Variants in VAT1L observed in about 807,000 individuals in gnomAD.
VAT1L encodes the protein putative NADPH-dependent quinone oxidoreductase VAT1L.
A neutral mutation model predicts 44.1 loss-of-function variants in VAT1L; 34 were observed. The observed-to-expected ratio is 0.77, with a 90% CI of 0.59 to 1.03. The LOEUF is 1.03. Among genes scored for constraint, VAT1L ranks in the 50% least tolerant of loss-of-function variants. VAT1L has a pLI of 0.00. For synonymous variants in VAT1L, 253 were observed against 202.2 expected, an observed-to-expected ratio of 1.25 and a Z score of -2.13; for missense variants, 615 against 538.8, an observed-to-expected ratio of 1.14 and a Z score of -1.40.
chr16:77,901,186 G>C (rs1221302927), intron 7 of VAT1L, among the ~76,000 whole-genome samples: 1 of 85,218 alleles, frequency 1.2e-5, no homozygotes, highest in African/African-American at 6.1e-5. Flanking sequence ...TTTTTTTTAA[G>C]ACAGTCTTGC....
chr16:77,895,494 T>A (rs1371654307), intron 7 of VAT1L, among the ~76,000 whole-genome samples: 7 of 151,928 alleles, frequency 4.6e-5, no homozygotes, highest in Non-Finnish European at 1.0e-4. Flanking sequence ...GCAGGAGGGT[T>A]GGAGTCAGAG....
intron 7 of VAT1L, among the ~76,000 whole-genome samples, chr16:77,894,060 A>G (rs1162545799): frequency 6.6e-6 from 1 of 152,190 alleles, no homozygotes; most frequent in Non-Finnish European, 1.5e-5. Flanking sequence ...CGGCCAATGC[A>G]TGGCAAAACC....
At chr16:77,920,648 C>T (rs1241720618) in intron 7 of VAT1L, among the ~76,000 whole-genome samples, 1 of 152,048 alleles carries the variant, frequency 6.6e-6, no homozygotes, top group Non-Finnish European at 1.5e-5. Flanking sequence ...GACAGTGATC[C>T]CATAAAATTC....
At chr16:77,821,697 A>T (rs2966046) in intron 2 of VAT1L, among the ~76,000 whole-genome samples, 128,755 of 152,164 alleles carry the variant, frequency 0.85, 54,585 homozygotes, top group South Asian at 0.91. Flanking sequence ...TAATAAAAGC[A>T]ACCATAAGGA....
At chr16:77,820,139 T>G (rs2016426158) in intron 2 of VAT1L, among the ~76,000 whole-genome samples, 1 of 152,200 alleles carries the variant, frequency 6.6e-6, no homozygotes, top group Admixed American at 6.5e-5. Flanking sequence ...ATTATTTGTA[T>G]CTGGAATCAG....
chr16:77,966,028 A>C (rs1215749072), intron 7 of VAT1L, among the ~76,000 whole-genome samples: 2 of 152,212 alleles, frequency 1.3e-5, no homozygotes, highest in African/African-American at 4.8e-5. Flanking sequence ...CCTAGATTCC[A>C]AACAGTCCCC....
At chr16:77,887,132 G>A (rs1336680257) in intron 7 of VAT1L, among the ~76,000 whole-genome samples, 1 of 152,118 alleles carries the variant, frequency 6.6e-6, no homozygotes, top group South Asian at 2.1e-4. Flanking sequence ...TAAAGGGAGA[G>A]AATTCAACAC....
intron 7 of VAT1L, among the ~76,000 whole-genome samples, chr16:77,957,598 G>T (rs1041427098): frequency 7.9e-5 from 12 of 151,848 alleles, no homozygotes; most frequent in African/African-American, 2.9e-4. Context: ...GGTGGCACGT[G>T]CCTGTAATCC....
At chr16:77,862,468 T>C (rs1372674598) in intron 3 of VAT1L, among the ~76,000 whole-genome samples, 1 of 151,462 alleles carries the variant, frequency 6.6e-6, no homozygotes, top group South Asian at 2.1e-4. Context: ...TACAAAAAAT[T>C]AACCGGGCAT....
chr16:77,879,366 T>C lies in VAT1L; in HGVS notation c.882+142T>C, dbSNP rs901335552. On this transcript the variant is annotated intron_variant, in intron 6 of 8. Coordinates refer to ENST00000302536, the MANE Select transcript of VAT1L (RefSeq NM_020927.3). This position sits in a 1 kb window ranked among gnomAD's most constrained non-coding sequence, Gnocchi z 4.1. The stretch of plus-strand genomic sequence containing the variant: ...AGTGCAATGGCACGATCTCGGCTCA[T>C]GGCAACCTCCGACTCCCTGGTTCAA... 14 of 865,088 alleles carry C rather than the reference T, an allele frequency of 1.6e-5. No individual in the cohort carries two copies. Among genetic ancestry groups the C allele is most frequent in the Non-Finnish European group, 2.4e-5 (13 of 535,218 alleles). 53.6% of individuals were successfully genotyped at this position (865,088 alleles called of 1,614,324 possible).
chr16:77,809,893 C>T (rs1021055851), intron 1 of VAT1L, among the ~76,000 whole-genome samples: 1 of 152,186 alleles, frequency 6.6e-6, no homozygotes, highest in Admixed American at 6.5e-5. Flanking sequence ...TAACCAGGAA[C>T]GGGGCAGCCT....
rs913248556 is a variant in VAT1L, at chr16:77,818,518, C to A, written c.363+1468C>A. On this transcript the variant is annotated intron_variant, in intron 2 of 8. Coordinates refer to ENST00000302536, the MANE Select transcript of VAT1L (RefSeq NM_020927.3). ...ATATTATCTTCTCTTCAATCCTCCA[C>A]ATGGTCCCCAAAGAAAAGATCATGC... 2.0e-5 allele frequency among the ~76,000 whole-genome samples: 3 copies of A among 152,344 alleles called. No homozygotes were observed. The East Asian group carries it at 5.8e-4, about 29-fold the overall frequency.
chr16:77,954,228 G>C (rs552860594), intron 7 of VAT1L, among the ~76,000 whole-genome samples: 8 of 152,364 alleles, frequency 5.3e-5, no homozygotes, highest in African/African-American at 1.9e-4. Flanking sequence ...TTTCTTGTCT[G>C]TTGCCCTGGA....
chr16:77,923,067 C>A (rs1482864201), intron 7 of VAT1L, among the ~76,000 whole-genome samples: 1 of 152,232 alleles, frequency 6.6e-6, no homozygotes, highest in Non-Finnish European at 1.5e-5. Flanking sequence ...GTTCTCCCAG[C>A]TCTCAATTCC....
intron 1 of VAT1L, among the ~76,000 whole-genome samples, chr16:77,790,261 T>C (rs950747655): frequency 6.6e-6 from 1 of 152,112 alleles, no homozygotes; most frequent in South Asian, 2.1e-4. Context: ...GACTCGTGAG[T>C]CTCTGTGGGG....
intron 1 of VAT1L, among the ~76,000 whole-genome samples, chr16:77,798,294 C>T (rs1206222167): frequency 6.6e-6 from 1 of 152,226 alleles, no homozygotes; most frequent in Non-Finnish European, 1.5e-5. Context: ...AGGCAGTAGG[C>T]TTCTTGGTTA....
intron 7 of VAT1L, among the ~76,000 whole-genome samples, chr16:77,913,633 C>T (rs1451572996): frequency 2.0e-5 from 3 of 152,084 alleles, no homozygotes; most frequent in Admixed American, 2.0e-4. Flanking sequence ...TGTCCCAGGG[C>T]TCCGTCCTTG....
At chr16:77,817,626 G>C (rs923246244) in intron 2 of VAT1L, among the ~76,000 whole-genome samples, 1 of 152,204 alleles carries the variant, frequency 6.6e-6, no homozygotes, top group Admixed American at 6.5e-5. Flanking sequence ...GGCTTTGGAA[G>C]TAGGGAAATG....
chr16:77,900,695 G>GA (rs746858329), intron 7 of VAT1L, among the ~76,000 whole-genome samples: 6,124 of 126,420 alleles, frequency 0.048, 466 homozygotes, highest in African/African-American at 0.17. Context: ...ACTGTGTCTT[G>GA]AAAAAAAAAA....
Sources: allele counts gnomAD v4.1 joint callset (sites outside exome capture counted in the v4.1 genomes callset), GRCh38; gene constraint gnomAD v4.1.1; non-coding constraint Gnocchi (gnomAD v3.1); transcripts MANE v1.5; gene names NCBI Gene and HGNC (gene_info 2026-07-23, HGNC 2026-07-21).